ROBO2: variants seen among roughly 807,000 people sequenced by gnomAD.
ROBO2 encodes roundabout homolog 2.
A neutral mutation model predicts 160.8 loss-of-function variants in ROBO2; 53 were observed. That is an observed-to-expected ratio of 0.33 (90% confidence interval 0.26 to 0.41). The LOEUF is 0.41. Among genes scored for constraint, ROBO2 ranks in the 10% least tolerant of loss-of-function variants. The pLI, the probability that ROBO2 is intolerant of heterozygous loss-of-function variation, is 1.00. For synonymous variants in ROBO2, 664 were observed against 611.7 expected, an observed-to-expected ratio of 1.09 and a Z score of -1.26; for missense variants, 1,577 against 1,722.4, an observed-to-expected ratio of 0.92 and a Z score of 1.49.
chr3:77,153,860 A>G (rs1404804934), intron 2 of ROBO2, among the ~76,000 whole-genome samples: 1 of 152,032 alleles, frequency 6.6e-6, no homozygotes, highest in African/African-American at 2.4e-5. Context: ...TAGCCCTTTA[A>G]TTTTCTTGAA....
At chr3:76,871,586 C>T (rs531359332) in intron 2 of ROBO2, among the ~76,000 whole-genome samples, 5 of 151,992 alleles carry the variant, frequency 3.3e-5, no homozygotes, top group African/African-American at 1.2e-4. Context: ...AGAAAAATAC[C>T]TCCTTAGCTA....
intron 2 of ROBO2, among the ~76,000 whole-genome samples, chr3:77,388,131 G>A (rs895221666): frequency 1.4e-5 from 2 of 141,044 alleles, no homozygotes; most frequent in Non-Finnish European, 3.0e-5. Context: ...CATTCTCATA[G>A]ATTCACACAT....
chr3:77,521,986 C>T (rs1327640491), intron 5 of ROBO2, among the ~76,000 whole-genome samples: 1 of 151,034 alleles, frequency 6.6e-6, no homozygotes, highest in Non-Finnish European at 1.5e-5. Flanking sequence ...ATAAAAACCA[C>T]AGGTAAATAT....
intron 2 of ROBO2, among the ~76,000 whole-genome samples, chr3:76,301,040 A>G (rs1381943235): frequency 6.6e-6 from 1 of 152,128 alleles, no homozygotes; most frequent in African/African-American, 2.4e-5. Flanking sequence ...AGCTTGAATT[A>G]GGAAGAAAGA....
At chr3:76,735,389 G>A (rs1025057997) in intron 2 of ROBO2, among the ~76,000 whole-genome samples, 1 of 152,146 alleles carries the variant, frequency 6.6e-6, no homozygotes, top group Non-Finnish European at 1.5e-5. Flanking sequence ...AAAACATTGT[G>A]TATTCATAGA....
At chr3:76,079,368 T>A (rs1035397664) in intron 2 of ROBO2, among the ~76,000 whole-genome samples, 1 of 152,122 alleles carries the variant, frequency 6.6e-6, no homozygotes, top group Middle Eastern at 3.2e-3. Flanking sequence ...CCTCATTTGA[T>A]CATTAAACAT....
At chr3:76,925,167 C>T (rs997962324) in intron 2 of ROBO2, among the ~76,000 whole-genome samples, 15 of 145,474 alleles carry the variant, frequency 1.0e-4, no homozygotes, top group Non-Finnish European at 1.6e-4. Context: ...GCCGAGATCC[C>T]GCCACTGCAC....
At chr3:77,552,704 A>G (rs1457430903) in intron 8 of ROBO2, among the ~76,000 whole-genome samples, 1 of 152,034 alleles carries the variant, frequency 6.6e-6, no homozygotes, top group Non-Finnish European at 1.5e-5. Context: ...TTGCAGAGAC[A>G]TTGATTAGAA....
intron 2 of ROBO2, among the ~76,000 whole-genome samples, chr3:76,336,835 C>T (rs1311325988): frequency 6.6e-6 from 1 of 151,934 alleles, no homozygotes; most frequent in Non-Finnish European, 1.5e-5. Context: ...TAACAGGAAG[C>T]TGGATATCTA....
In ROBO2 at chr3:76,954,943, G is replaced by A. The variant is rs143893327; in HGVS notation, c.110-143071G>A. Among the ~76,000 whole-genome samples, 824 of 152,244 alleles carry A rather than the reference G, an allele frequency of 5.4e-3. 5 individuals are homozygous for A. The highest frequency in any genetic ancestry group is 6.5e-3 in the Non-Finnish European group (443 of 68,018). On this transcript the variant is annotated intron_variant, in intron 2 of 26. Transcript: ENST00000487694. ...GAATTACATTCACAGTGTTGCTCAAGCATCAGCACTGTATCCAAATGTTTC... is the reference window on the plus strand; with the variant it reads ...GAATTACATTCACAGTGTTGCTCAAACATCAGCACTGTATCCAAATGTTTC...
intron 2 of ROBO2, among the ~76,000 whole-genome samples, chr3:76,658,906 A>T (rs927923607): frequency 3.3e-5 from 5 of 152,168 alleles, no homozygotes; most frequent in African/African-American, 1.2e-4. Flanking sequence ...TATTTAGTTT[A>T]TTTTATTTAA....
At chr3:76,291,488 A>T (rs879614406) in intron 2 of ROBO2, among the ~76,000 whole-genome samples, 4 of 151,882 alleles carry the variant, frequency 2.6e-5, no homozygotes, top group Non-Finnish European at 4.4e-5. Context: ...CTGTTGCTTT[A>T]TTGATATTTT....
chr3:75,932,644 G>A (rs550015172), intron 1 of ROBO2, among the ~76,000 whole-genome samples: 58 of 152,282 alleles, frequency 3.8e-4, no homozygotes, highest in African/African-American at 1.3e-3. Context: ...AAGATGCCTG[G>A]TTCTTGTGGG....
intron 2 of ROBO2, among the ~76,000 whole-genome samples, chr3:76,464,052 G>T (rs953204746): frequency 2.6e-5 from 4 of 152,178 alleles, no homozygotes; most frequent in Admixed American, 2.0e-4. Context: ...GGCATTGACA[G>T]AAGTGGGAAG....
chr3:76,131,761 T>C (rs558043877), intron 2 of ROBO2, among the ~76,000 whole-genome samples: 4 of 152,234 alleles, frequency 2.6e-5, no homozygotes, highest in African/African-American at 9.6e-5. Flanking sequence ...CAAGTGAGCA[T>C]TTAGCATTCT....
chr3:76,155,282 C>T (rs193130961), intron 2 of ROBO2, among the ~76,000 whole-genome samples: 2 of 152,260 alleles, frequency 1.3e-5, no homozygotes, highest in East Asian at 3.9e-4. Flanking sequence ...ACAACGCCAA[C>T]TATATTCTCA....
At chr3:76,060,877 G>T (rs1230866248) in intron 2 of ROBO2, among the ~76,000 whole-genome samples, 1 of 152,114 alleles carries the variant, frequency 6.6e-6, no homozygotes, top group Middle Eastern at 3.2e-3. Flanking sequence ...GCCATCTCAT[G>T]ATCATCCCTG....
intron 2 of ROBO2, among the ~76,000 whole-genome samples, chr3:76,851,473 C>T (rs540003223): frequency 3.3e-5 from 5 of 152,132 alleles, no homozygotes; most frequent in East Asian, 3.9e-4. Flanking sequence ...CGGTGGCTCA[C>T]GCCTGTAATC....
At chr3:76,658,120 T>C (rs2110013482) in intron 2 of ROBO2, among the ~76,000 whole-genome samples, 1 of 149,210 alleles carries the variant, frequency 6.7e-6, no homozygotes, top group South Asian at 2.1e-4. Flanking sequence ...AAATAAAATA[T>C]GTTAAAATAA....
Sources: gnomAD v4.1 joint callset for allele counts (sites outside exome capture counted in the v4.1 genomes callset) on GRCh38, gnomAD v4.1.1 for gene constraint, MANE v1.5 for transcripts, NCBI Gene and HGNC (gene_info 2026-07-23, HGNC 2026-07-21) for gene names.